MIAT: variants seen among roughly 807,000 people sequenced by gnomAD.
MIAT encodes MI related novel mRNA.
chr22:26,666,478 T>C, exon 4 of MIAT: 1 of 398,640 alleles, frequency 2.5e-6, no homozygotes, highest in Non-Finnish European at 4.4e-6. Flanking sequence ...CTTGAGTGAA[T>C]GTCAAGGCAG....
Position 26,675,528 on chromosome 22 carries a change from A to G in MIAT, n.9196A>G, listed in dbSNP as rs570444475. 2.5e-5 allele frequency: 10 copies of G among 398,622 alleles called. No homozygotes were observed. In the South Asian group the frequency reaches 1.3e-3, roughly 51 times the overall value. 24.7% of individuals were successfully genotyped at this position (398,622 alleles called of 1,614,324 possible). The stretch of plus-strand genomic sequence containing the variant: ...TAGACAACTGAGCAGAACTTTTTGA[A>G]ACTAGGAAGACCCTTTGGTCCATCT... On this transcript the variant is annotated non_coding_transcript_exon_variant, in exon 5 of 5. Coordinates refer to the MIAT transcript ENST00000613780.
chr22:26,671,608 G>T (rs1931050310), downstream of MIAT: 1 of 398,810 alleles, frequency 2.5e-6, no homozygotes. Context: ...GGCTCCAGAA[G>T]GCTCTGCCTA....
At chr22:26,659,782 A>C (rs2146005253) in intron 2 of MIAT, among the ~76,000 whole-genome samples, 1 of 76,682 alleles carries the variant, frequency 1.3e-5, no homozygotes, top group African/African-American at 4.3e-5. Context: ...GATTTAGAAA[A>C]GACAAAAAAA....
At chr22:26,672,424 C>T, downstream of MIAT, 1 of 399,404 alleles carries the variant, frequency 2.5e-6, no homozygotes, top group Non-Finnish European at 4.4e-6. Context: ...AAGAGGTGGT[C>T]CTGTGGATGT....
exon 4 of MIAT, chr22:26,665,889 T>C: frequency 2.5e-6 from 1 of 398,642 alleles, no homozygotes; most frequent in Non-Finnish European, 4.4e-6. Context: ...TTAAATGACT[T>C]CATCTTGTGT....
chr22:26,651,719 A>G (rs781341375), intron 2 of MIAT, among the ~76,000 whole-genome samples: 3 of 152,264 alleles, frequency 2.0e-5, no homozygotes, highest in African/African-American at 7.2e-5. Context: ...CATAAAAGGA[A>G]TAAAGTGCTG....
At chr22:26,657,305 C>T (rs1930494525) in intron 2 of MIAT, 1 of 393,770 alleles carries the variant, frequency 2.5e-6, no homozygotes. Flanking sequence ...CGGAGTGCTC[C>T]CTCCAAGACC....
intron 2 of MIAT, among the ~76,000 whole-genome samples, chr22:26,662,018 G>A (rs1215374189): frequency 6.9e-6 from 1 of 145,828 alleles, no homozygotes; most frequent in Non-Finnish European, 1.5e-5. Context: ...ATGCAGTGGA[G>A]CAATCGCGGT....
downstream of MIAT, chr22:26,673,526 C>T (rs911770468): frequency 2.5e-6 from 1 of 398,616 alleles, no homozygotes; most frequent in East Asian, 3.6e-5. Context: ...CCTTCCTGGT[C>T]TGTTCCTTTC....
At chr22:26,661,961 T>TATATATATATATAC (rs1336346956) in intron 2 of MIAT, among the ~76,000 whole-genome samples, 5 of 43,974 alleles carry the variant, frequency 1.1e-4, no homozygotes, top group Non-Finnish European at 1.9e-4. Context: ...TATATATATA[T>TATATATATATATAC]ACACACACAC....
At chr22:26,667,321 C>T (rs945422258) in intron 5 of MIAT, 34 of 375,742 alleles carry the variant, frequency 9.0e-5, no homozygotes, top group African/African-American at 3.2e-4. Flanking sequence ...GTGAGCTCCT[C>T]GTCCTGGGAG....
chr22:26,652,021 T>C (rs1930344387), intron 2 of MIAT, among the ~76,000 whole-genome samples: 1 of 152,200 alleles, frequency 6.6e-6, no homozygotes, highest in Admixed American at 6.5e-5. Flanking sequence ...TGAGACAGAG[T>C]TTTGCTCTGT....
chr22:26,670,992 G>A, downstream of MIAT: 1 of 398,362 alleles, frequency 2.5e-6, no homozygotes, highest in Middle Eastern at 6.3e-4. Flanking sequence ...GGGAGGGCAG[G>A]CCAATAGTTG....
chr22:26,673,757 A>G (rs1931158035), downstream of MIAT: 1 of 398,728 alleles, frequency 2.5e-6, no homozygotes, highest in Non-Finnish European at 4.4e-6. Context: ...TCTGAGTCAG[A>G]ACAATCAGAA....
chr22:26,664,005 CTTTTTTT>C (rs202155948), intron 3 of MIAT, among the ~76,000 whole-genome samples: 1 of 116,306 alleles, frequency 8.6e-6, no homozygotes, highest in Admixed American at 9.7e-5. Context: ...CTGTGTTCAG[CTTTTTTT>C]TTTTTTTTTT....
intron 2 of MIAT, among the ~76,000 whole-genome samples, chr22:26,661,074 G>A (rs559930763): frequency 1.3e-5 from 2 of 152,302 alleles, no homozygotes; most frequent in African/African-American, 4.8e-5. Flanking sequence ...TTAGTGATTT[G>A]CTTTTATTTC....
downstream of MIAT, chr22:26,670,871 G>A: frequency 2.5e-6 from 1 of 398,576 alleles, no homozygotes; most frequent in East Asian, 3.6e-5. Flanking sequence ...GGTACACTTA[G>A]GTGCTTTGTA....
chr22:26,647,153 GTC>G (rs1467412878), intron 1 of MIAT: 2 of 398,434 alleles, frequency 5.0e-6, no homozygotes, highest in Non-Finnish European at 8.8e-6. Context: ...TCTTCTCTGG[GTC>G]TCTGTTCCAT....
At chr22:26,674,131 A>G (rs1345767420), downstream of MIAT, 1 of 398,658 alleles carries the variant, frequency 2.5e-6, no homozygotes, top group Non-Finnish European at 4.4e-6. Flanking sequence ...GCTTTAGATC[A>G]GAGTATTCAG....
Sources: gnomAD v4.1 joint callset for allele counts (sites outside exome capture counted in the v4.1 genomes callset) on GRCh38, gnomAD v4.1.1 for gene constraint, MANE v1.5 for transcripts, NCBI Gene and HGNC (gene_info 2026-07-23, HGNC 2026-07-21) for gene names.